STXBP5L: variants seen among roughly 807,000 people sequenced by gnomAD.
STXBP5L encodes the protein syntaxin binding protein 5L.
Under a neutral mutation model 144.5 loss-of-function variants are expected in STXBP5L, and 65 were observed. That is an observed-to-expected ratio of 0.45 (90% CI 0.37 to 0.55). The LOEUF (loss-of-function observed/expected upper bound fraction) is 0.55, where lower values mean the gene tolerates loss of function less well. Among genes scored for constraint, STXBP5L ranks in the 20% least tolerant of loss-of-function variants. STXBP5L has a pLI of 0.00. For synonymous variants in STXBP5L, 505 were observed against 469.6 expected (o/e 1.08, Z -0.97); for missense variants, 1,298 against 1,405.5 (o/e 0.92, Z 1.22).
intron 3 of STXBP5L, among the ~76,000 whole-genome samples, chr3:121,007,510 A>T (rs1477971341): frequency 6.6e-6 from 1 of 152,064 alleles, no homozygotes; most frequent in Non-Finnish European, 1.5e-5. Flanking sequence ...CCATTTGGGT[A>T]TGAATTTTTT....
chr3:121,175,348 C>A (rs1275083082), intron 9 of STXBP5L, among the ~76,000 whole-genome samples: 1 of 152,036 alleles, frequency 6.6e-6, no homozygotes, highest in Non-Finnish European at 1.5e-5. Context: ...AATGCTAACA[C>A]CCACACTAAA....
chr3:121,163,969 C>G (rs982211696), intron 9 of STXBP5L, among the ~76,000 whole-genome samples: 1 of 152,042 alleles, frequency 6.6e-6, no homozygotes, highest in African/African-American at 2.4e-5. Context: ...TTCACAACAG[C>G]AATTTAAAGT....
intron 5 of STXBP5L, among the ~76,000 whole-genome samples, chr3:121,082,023 T>A (rs1326875244): frequency 6.6e-6 from 1 of 152,226 alleles, no homozygotes; most frequent in Non-Finnish European, 1.5e-5. Flanking sequence ...ATTGTAACCA[T>A]ACAGTAAGCT....
At chr3:121,008,313 A>G (rs1559993205) in intron 3 of STXBP5L, among the ~76,000 whole-genome samples, 1 of 151,974 alleles carries the variant, frequency 6.6e-6, no homozygotes, top group Non-Finnish European at 1.5e-5. Context: ...GAGAGGTTCT[A>G]AAGTATCCAA....
intron 3 of STXBP5L, among the ~76,000 whole-genome samples, chr3:120,976,098 T>C (rs1940967341): frequency 6.6e-6 from 1 of 152,200 alleles, no homozygotes; most frequent in Non-Finnish European, 1.5e-5. Flanking sequence ...TTCTATTGAT[T>C]GGAATAGTTT....
At chr3:120,941,558 A>G (rs1710567889) in intron 2 of STXBP5L, among the ~76,000 whole-genome samples, 1 of 151,734 alleles carries the variant, frequency 6.6e-6, no homozygotes, top group South Asian at 2.1e-4. Context: ...CTGAATACAG[A>G]GATAATTATA....
intron 20 of STXBP5L, 56 bp from the exon 21 acceptor site, chr3:121,378,660 C>T (rs921058558): frequency 9.7e-6 from 15 of 1,539,746 alleles, no homozygotes; most frequent in South Asian, 4.9e-5. Context: ...CGCTTGTATT[C>T]CTTTGTATTA....
chr3:121,367,953 A>T (rs1274526045), intron 20 of STXBP5L, among the ~76,000 whole-genome samples: 2 of 151,624 alleles, frequency 1.3e-5, no homozygotes, highest in Non-Finnish European at 2.9e-5. Context: ...TCTCAATGTG[A>T]GTCTTTTTGA....
chr3:121,065,663 C>G (rs2107644820), intron 5 of STXBP5L, among the ~76,000 whole-genome samples: 1 of 152,270 alleles, frequency 6.6e-6, no homozygotes, highest in Admixed American at 6.5e-5. Context: ...CTTTTTCAGC[C>G]TCCCAAGTAT....
chr3:121,115,630 T>G (rs2044200165), intron 6 of STXBP5L, among the ~76,000 whole-genome samples: 1 of 152,278 alleles, frequency 6.6e-6, no homozygotes, highest in South Asian at 2.1e-4. Context: ...GCCATCTGTA[T>G]TCAGCCATTT....
intron 9 of STXBP5L, among the ~76,000 whole-genome samples, chr3:121,181,471 C>T (rs1211680689): frequency 6.6e-6 from 1 of 152,210 alleles, no homozygotes; most frequent in South Asian, 2.1e-4. Flanking sequence ...CAGTGGCTAA[C>T]GCCTGTAATC....
At chr3:120,989,156 A>G (rs1198834132) in intron 3 of STXBP5L, among the ~76,000 whole-genome samples, 1 of 152,056 alleles carries the variant, frequency 6.6e-6, no homozygotes, top group African/African-American at 2.4e-5. Flanking sequence ...TGATACAATG[A>G]TTTCTCTTCC....
intron 5 of STXBP5L, among the ~76,000 whole-genome samples, chr3:121,092,066 G>T (rs1301718565): frequency 1.3e-5 from 2 of 152,154 alleles, no homozygotes; most frequent in Non-Finnish European, 2.9e-5. Context: ...TCTCGGGTTT[G>T]TCAAAGATCA....
chr3:121,093,971 G>T (rs917825660), intron 5 of STXBP5L, among the ~76,000 whole-genome samples: 3 of 152,030 alleles, frequency 2.0e-5, no homozygotes, highest in Non-Finnish European at 4.4e-5. Flanking sequence ...GGTACGTTGT[G>T]TCTTTGTTCT....
chr3:121,123,298 C>G (rs1221602363), intron 7 of STXBP5L, among the ~76,000 whole-genome samples: 1 of 151,372 alleles, frequency 6.6e-6, no homozygotes, highest in Non-Finnish European at 1.5e-5. Context: ...AACATATATT[C>G]GTTTTTGGAA....
chr3:121,051,341 G>A (rs532123925), intron 5 of STXBP5L, among the ~76,000 whole-genome samples: 1 of 152,084 alleles, frequency 6.6e-6, no homozygotes, highest in South Asian at 2.1e-4. Context: ...TGGAAGTAAA[G>A]CTCTCCTCAG....
At chr3:121,136,893 T>C (rs1257678591) in intron 7 of STXBP5L, among the ~76,000 whole-genome samples, 1 of 152,108 alleles carries the variant, frequency 6.6e-6, no homozygotes, top group Admixed American at 6.5e-5. Context: ...GAATACTACA[T>C]AGCTATTTTT....
intron 11 of STXBP5L, among the ~76,000 whole-genome samples, chr3:121,227,100 C>A (rs2049145319): frequency 6.6e-6 from 1 of 152,014 alleles, no homozygotes; most frequent in Non-Finnish European, 1.5e-5. Flanking sequence ...TTTATAGCTT[C>A]TGAATTTTAA....
intron 20 of STXBP5L, among the ~76,000 whole-genome samples, chr3:121,366,965 A>T (rs1318546742): frequency 6.6e-6 from 1 of 152,174 alleles, no homozygotes; most frequent in Non-Finnish European, 1.5e-5. Context: ...TCCTAAAGTT[A>T]TAACACTAAG....
Sources: allele counts gnomAD v4.1 joint callset (sites outside exome capture counted in the v4.1 genomes callset), GRCh38; gene constraint gnomAD v4.1.1; transcripts MANE v1.5; gene names NCBI Gene and HGNC (gene_info 2026-07-23, HGNC 2026-07-21).